Variants in SPATA4 observed in about 807,000 individuals in gnomAD.
SPATA4 encodes spermatogenesis-associated protein 4.
Under a neutral mutation model 31.8 loss-of-function variants are expected in SPATA4, and 35 were observed. That is an observed-to-expected ratio of 1.10 (90% CI 0.84 to 1.46). The LOEUF (loss-of-function observed/expected upper bound fraction) is 1.46. Among genes scored for constraint, SPATA4 ranks in the 40% most tolerant of loss-of-function variants. The pLI, the probability that SPATA4 is intolerant of heterozygous loss-of-function variation, is 0.00. For synonymous variants in SPATA4, 126 were observed against 132.4 expected (o/e 0.95, Z 0.33); for missense variants, 394 against 363.1 (o/e 1.09, Z -0.69).
intron 5 of SPATA4, among the ~76,000 whole-genome samples, chr4:176,187,154 A>G (rs1197603489): frequency 1.3e-5 from 2 of 152,116 alleles, no homozygotes; most frequent in Non-Finnish European, 2.9e-5. Context: ...TGGCAACTCA[A>G]CTTTCTAGAC....
chr4:176,186,983 T>C (rs1021809269), intron 5 of SPATA4, among the ~76,000 whole-genome samples: 9 of 152,106 alleles, frequency 5.9e-5, no homozygotes, highest in African/African-American at 1.9e-4. Flanking sequence ...GGCTGGAGAG[T>C]ACATATTTTA....
At chr4:176,185,223 T>G (rs1314382778) in intron 5 of SPATA4, among the ~76,000 whole-genome samples, 2 of 152,106 alleles carry the variant, frequency 1.3e-5, no homozygotes, top group Non-Finnish European at 2.9e-5. Context: ...ATTTTATACT[T>G]AGATTTGACA....
chr4:176,185,048 C>T (rs187094395), intron 5 of SPATA4, among the ~76,000 whole-genome samples, 156 bp from the exon 6 acceptor site: 24 of 152,210 alleles, frequency 1.6e-4, no homozygotes, highest in African/African-American at 5.3e-4. Flanking sequence ...ATATTTAAAT[C>T]ACGCATTATA....
Position 176,193,503 on chromosome 4 carries a change from T to G in SPATA4, c.298A>C (p.Asn100His). ...AACTTGACTTTTAAAGAGGTCCCGT[T>G]TTCAAAGGATGATAATTCAAGTTCC... ...PWELELSSFE[N>H]GTSLKVKLDN... Residue 100 changes from asparagine (N) to histidine (H), a missense_variant, in exon 2 of 6, where the codon AAC (asparagine) becomes CAC (histidine). Asn to His is a moderately conservative substitution (Grantham distance 68). Transcript: ENST00000280191. 1 of 1,613,838 alleles carries G rather than the reference T, an allele frequency of 6.2e-7. No homozygotes were observed.
Position 176,195,543 on chromosome 4 carries a change from T to A in SPATA4, c.20A>T (p.Glu7Val). 1 of 1,614,144 alleles carries A rather than the reference T, an allele frequency of 6.2e-7. No individual in the cohort carries two copies. Among genetic ancestry groups the A allele is most frequent in the Non-Finnish European group, 8.5e-7 (1 of 1,180,020 alleles). Reference sequence around the variant, plus strand: ...CGCAGTCTGTGTCAAATACCCTTTTTCCTGGCCGGCGGCAGCCATGACGCT... The same window carrying A: ...CGCAGTCTGTGTCAAATACCCTTTTACCTGGCCGGCGGCAGCCATGACGCT... Reference protein sequence around the residue: MAAAGQEKGYLTQTAAA... With the variant: MAAAGQVKGYLTQTAAA... Residue 7 changes from glutamate to valine, a missense_variant, in exon 1 of 6, where the codon GAA becomes GTA. Glu to Val is a moderately radical substitution (Grantham distance 121). Transcript: ENST00000280191.
rs746140676 is a variant in SPATA4, at chr4:176,184,870, A to G, written c.828T>C (p.Ser276=). 2 of 1,596,606 alleles carry G rather than the reference A, an allele frequency of 1.3e-6. No homozygotes were observed. The change falls in exon 6 of 6, where the codon AGT becomes AGC. Residue 276 remains serine, a synonymous_variant. Coordinates refer to ENST00000280191, the MANE Select transcript of SPATA4 (RefSeq NM_144644.4). ...GCTTCACATGTATTTCTCTATGTGAACTGCCACCACTACCTATATTTGCTG... is the reference window on the plus strand; with the variant it reads ...GCTTCACATGTATTTCTCTATGTGAGCTGCCACCACTACCTATATTTGCTG... ...PVLPNIGSGG[S]SHREIHVKQA... is the part of the protein sequence containing the mutation.
intron 5 of SPATA4, among the ~76,000 whole-genome samples, chr4:176,187,354 T>C (rs954479845): frequency 1.3e-5 from 2 of 152,008 alleles, no homozygotes; most frequent in African/African-American, 4.8e-5. Flanking sequence ...CATGAAATCC[T>C]AGCAGTTTGG....
chr4:176,188,989 T>C (rs377343289), intron 4 of SPATA4, among the ~76,000 whole-genome samples: 1 of 152,154 alleles, frequency 6.6e-6, no homozygotes, highest in East Asian at 1.9e-4. Flanking sequence ...AAATGAGAAA[T>C]GTTTAAAATC....
At chr4:176,190,443 A>G (rs553508240) in intron 4 of SPATA4, among the ~76,000 whole-genome samples, 2 of 152,318 alleles carry the variant, frequency 1.3e-5, no homozygotes, top group South Asian at 4.1e-4. Context: ...ATGACTTAAA[A>G]CAGCCATTTT....
chr4:176,194,820 C>T (rs1257159031), intron 1 of SPATA4: 1 of 151,640 alleles, frequency 6.6e-6, no homozygotes, highest in Non-Finnish European at 1.5e-5. Context: ...CAGCAACCTC[C>T]GCCTCCCGGG....
At chr4:176,188,377 T>A (rs978884070) in intron 4 of SPATA4, 142 bp from the exon 5 acceptor site, 1 of 587,682 alleles carries the variant, frequency 1.7e-6, no homozygotes, top group African/African-American at 1.9e-5. Flanking sequence ...CCTAGGTTAA[T>A]AGTCCCTCCC....
intron 5 of SPATA4, among the ~76,000 whole-genome samples, chr4:176,186,534 A>C (rs1020184115): frequency 1.3e-5 from 2 of 152,226 alleles, no homozygotes; most frequent in African/African-American, 4.8e-5. Flanking sequence ...TCTAAAGGTG[A>C]AACTATGGAT....
Position 176,184,850 on chromosome 4 carries a change from A to C in SPATA4, c.848T>G (p.Val283Gly). The C allele has an allele frequency of 6.2e-7, 1 of 1,601,694 alleles. No individual in the cohort carries two copies. Among genetic ancestry groups the C allele is most frequent in the Non-Finnish European group, 8.5e-7 (1 of 1,173,990 alleles). ...SGGSSHREIH[V>G]KQAGQHSYYS... ...ATAAGAATGTTGTCCAGCTTGCTTCACATGTATTTCTCTATGTGAACTGCC... is the reference window on the plus strand; with the variant it reads ...ATAAGAATGTTGTCCAGCTTGCTTCCCATGTATTTCTCTATGTGAACTGCC... The change falls in exon 6 of 6, where the codon GTG becomes GGG. Residue 283 changes from valine (V) to glycine (G), a missense_variant. Val to Gly is a moderately radical substitution (Grantham distance 109). Coordinates refer to ENST00000280191, the MANE Select transcript of SPATA4 (RefSeq NM_144644.4).
Position 176,193,508 on chromosome 4 carries a change from A to G in SPATA4, c.293T>C (p.Phe98Ser). Residue 98 changes from phenylalanine (F) to serine (S), a missense_variant, in exon 2 of 6, where the codon TTT becomes TCT. Phe to Ser is a radical substitution (Grantham distance 155). Coordinates refer to ENST00000280191, the MANE Select transcript of SPATA4 (RefSeq NM_144644.4). Reference sequence around the variant, plus strand: ...GACTTTTAAAGAGGTCCCGTTTTCAAAGGATGATAATTCAAGTTCCCAGGG... The same window carrying G: ...GACTTTTAAAGAGGTCCCGTTTTCAGAGGATGATAATTCAAGTTCCCAGGG... The part of the protein sequence containing the change: ...YYPWELELSS[F>S]ENGTSLKVKL... 1 of 1,613,882 alleles carries G rather than the reference A, an allele frequency of 6.2e-7. No homozygotes were observed. Among genetic ancestry groups the G allele is most frequent in the East Asian group, 2.2e-5 (1 of 44,854 alleles).
Position 176,188,276 on chromosome 4 carries a change from TA to T in SPATA4, c.689-42del, listed in dbSNP as rs751819151. ...ACAAAAGTTATTTCTTAAAAAGCCA[TA>T]ATGGCCATTGTCAAAATAAGATGCC... On this transcript the variant is annotated intron_variant, in intron 4 of 5. Transcript: ENST00000280191. 54 of 1,273,174 alleles carry T rather than the reference TA, an allele frequency of 4.2e-5. No homozygotes were observed. In the East Asian group the frequency reaches 8.9e-4, roughly 21 times the overall value. The allele number at this position is 1,273,174 out of a possible 1,614,324, so 78.9% of individuals were successfully genotyped here.
At chr4:176,195,226 T>G in intron 1 of SPATA4, 119 bp downstream of exon 1, 1 of 819,342 alleles carries the variant, frequency 1.2e-6, no homozygotes. Context: ...TGTACGTGGG[T>G]GGGGGGGTCT....
At chr4:176,189,083 G>A (rs1752488684) in intron 4 of SPATA4, among the ~76,000 whole-genome samples, 1 of 152,228 alleles carries the variant, frequency 6.6e-6, no homozygotes, top group Non-Finnish European at 1.5e-5. Context: ...AAGAAAAAAT[G>A]TGTTCAAAAG....
Position 176,193,040 on chromosome 4 carries a change from G to A in SPATA4, c.385C>T (p.Leu129=). 1 of 1,602,948 alleles carries A rather than the reference G, an allele frequency of 6.2e-7. No homozygotes were observed. The highest frequency in any genetic ancestry group is 8.5e-7 in the Non-Finnish European group (1 of 1,176,986). The change falls in exon 3 of 6, where the codon CTA becomes TTA. Residue 129 remains leucine, a synonymous_variant. Transcript: ENST00000280191. ...ARKKFKLPKE[L]IHGTIHCKAG... is the part of the protein sequence containing the mutation. ...TTACAATGAATTGTTCCATGGATTA[G>A]TTCTTTAGGTAATTTAAATTTTTTT...
intron 5 of SPATA4, among the ~76,000 whole-genome samples, chr4:176,186,103 T>A (rs1752437169): frequency 6.6e-6 from 1 of 152,250 alleles, no homozygotes; most frequent in African/African-American, 2.4e-5. Flanking sequence ...AAAACTCATA[T>A]GTGAACCTTG....
Sources: gnomAD v4.1 joint callset for allele counts (sites outside exome capture counted in the v4.1 genomes callset) on GRCh38, gnomAD v4.1.1 for gene constraint, MANE v1.5 for transcripts, NCBI Gene and HGNC (gene_info 2026-07-23, HGNC 2026-07-21) for gene names.